CLCN1: variants seen among roughly 807,000 people sequenced by gnomAD.
CLCN1 encodes chloride voltage-gated channel 1, also known as chloride channel protein 1.
A neutral mutation model predicts 114.5 loss-of-function variants in CLCN1; 100 were observed. The ratio of observed to expected loss-of-function variants is 0.87; its 90% CI spans 0.74 to 1.03. CLCN1 has a LOEUF of 1.03. CLCN1 is among the 50% of genes least tolerant of loss of function. The pLI is 0.00. For missense variants in CLCN1, 1,188 were observed against 1,250.0 expected, an observed-to-expected ratio of 0.95 and a Z score of 0.75; for synonymous variants, 485 against 487.1, an observed-to-expected ratio of 1.00 and a Z score of 0.06.
chr7:143,329,691 G>A (rs1291099291), intron 7 of CLCN1, among the ~76,000 whole-genome samples: 1 of 152,188 alleles, frequency 6.6e-6, no homozygotes, highest in Admixed American at 6.5e-5. Flanking sequence ...GGACAAACCT[G>A]CCTAGTTCAA....
chr7:143,331,090 C>A, intron 8 of CLCN1, 142 bp from the exon 9 acceptor site: 2 of 1,057,404 alleles, frequency 1.9e-6, no homozygotes, highest in Non-Finnish European at 1.5e-6. Flanking sequence ...GAGGAGTGTG[C>A]GTAGAAAAAA....
chr7:143,333,604 C>A (rs979435445), intron 12 of CLCN1, among the ~76,000 whole-genome samples: 6 of 152,152 alleles, frequency 3.9e-5, no homozygotes, highest in Non-Finnish European at 7.4e-5. Flanking sequence ...ATTTGAGCAT[C>A]TTTTTTCCCC....
At chr7:143,334,227 T>G (rs942857856) in intron 12 of CLCN1, among the ~76,000 whole-genome samples, 4 of 146,092 alleles carry the variant, frequency 2.7e-5, no homozygotes, top group African/African-American at 1.0e-4. Flanking sequence ...AAAAAAAAAA[T>G]TATTGATTGC....
intron 14 of CLCN1, among the ~76,000 whole-genome samples, chr7:143,340,615 CT>C (rs1803051878): frequency 6.6e-6 from 1 of 152,156 alleles, no homozygotes; most frequent in South Asian, 2.1e-4. Flanking sequence ...TCACTGCAAC[CT>C]CTGCCTCCTG....
At chr7:143,319,641 C>G in intron 1 of CLCN1, 114 bp from the exon 2 acceptor site, 2 of 1,126,804 alleles carry the variant, frequency 1.8e-6, no homozygotes, top group African/African-American at 1.5e-5. Flanking sequence ...GCAGTCAACA[C>G]CCAGAATTCA....
chr7:143,331,330 C>A lies in CLCN1; in HGVS notation c.1064+14C>A. On this transcript the variant is annotated intron_variant, in intron 9 of 22. Transcript: ENST00000343257. ...TGCTGCCATCGGGTCAGTGGGGTTA[C>A]CTGCTCTGTGTGTGGTGAGCAGGGT... 6.3e-7 allele frequency: 1 copy of A among 1,575,316 alleles called. No homozygotes were observed. The highest frequency in any genetic ancestry group is 1.1e-5 in the South Asian group (1 of 90,308).
intron 6 of CLCN1, chr7:143,323,639 C>G (rs769324754): frequency 3.1e-6 from 2 of 641,552 alleles, no homozygotes; most frequent in Non-Finnish European, 6.0e-6. Flanking sequence ...TCTGGTCTGT[C>G]GTCTGCTCCC....
chr7:143,332,931 C>T (rs1802770203), intron 12 of CLCN1, 58 bp downstream of exon 12: 29 of 1,579,944 alleles, frequency 1.8e-5, no homozygotes, highest in Non-Finnish European at 2.4e-5. Flanking sequence ...ATCTATGAAC[C>T]CAGGGTTTGC....
At chr7:143,319,706 T>C in intron 1 of CLCN1, 49 bp from the exon 2 acceptor site, 1 of 1,604,930 alleles carries the variant, frequency 6.2e-7, no homozygotes, top group Non-Finnish European at 8.5e-7. Context: ...TGTCTATTAT[T>C]TTTTTAGTCT....
chr7:143,346,929 G>A lies in CLCN1; in HGVS notation c.2383G>A (p.Asp795Asn). Residue 795 changes from aspartate to asparagine, a missense_variant, in exon 20 of 23, where the codon GAT (aspartate) becomes AAT (asparagine). Coordinates refer to ENST00000343257, the MANE Select transcript of CLCN1 (RefSeq NM_000083.3). ...TCTCTAGGATTCCACAGATTTAGTG[G>A]ATAACATGTCACCTGAAGAGGTGAG... Reference protein sequence around the residue: ...KTTQDSTDLVDNMSPEEIEAW... With the variant: ...KTTQDSTDLVNNMSPEEIEAW... 1 of 1,613,906 alleles carries A rather than the reference G, an allele frequency of 6.2e-7. No homozygotes were observed.
At chr7:143,336,623 AAAG>A (rs1282825732) in intron 12 of CLCN1, among the ~76,000 whole-genome samples, 8 of 116,136 alleles carry the variant, frequency 6.9e-5, no homozygotes, top group African/African-American at 1.4e-4. Flanking sequence ...AAAAAAAAAA[AAAG>A]AAGAAGAAGA....
intron 2 of CLCN1, 82 bp downstream of exon 2, chr7:143,319,957 C>T (rs577172514): frequency 3.0e-5 from 43 of 1,410,692 alleles, no homozygotes; most frequent in South Asian, 2.5e-4. Context: ...TCCCATTGCA[C>T]GTACGTACTC....
At chr7:143,351,462 G>A (rs1045292534) in intron 22 of CLCN1, 132 bp from the exon 23 acceptor site, 54 of 928,272 alleles carry the variant, frequency 5.8e-5, no homozygotes, top group South Asian at 7.8e-5. Context: ...CTTTCTCCCC[G>A]TTTTGCCACT....
chr7:143,341,363 AGCCTG>A (rs751758516), intron 14 of CLCN1, among the ~76,000 whole-genome samples: 6 of 152,142 alleles, frequency 3.9e-5, no homozygotes, highest in Non-Finnish European at 7.4e-5. Context: ...ATTCGAGACC[AGCCTG>A]GCCAACATGA....
chr7:143,337,402 T>C (rs1191471584), intron 12 of CLCN1, among the ~76,000 whole-genome samples: 10 of 152,218 alleles, frequency 6.6e-5, no homozygotes, highest in Admixed American at 6.5e-5. Context: ...TGAATAGTCA[T>C]ATTCTGACAT....
chr7:143,351,333 C>G (rs985380683), intron 22 of CLCN1, among the ~76,000 whole-genome samples: 11 of 152,124 alleles, frequency 7.2e-5, no homozygotes, highest in Admixed American at 7.2e-4. Flanking sequence ...TGCAGGTGGT[C>G]ACTAGGAAGG....
At chr7:143,330,294 C>T (rs762606405) in intron 7 of CLCN1, among the ~76,000 whole-genome samples, 7 of 152,222 alleles carry the variant, frequency 4.6e-5, no homozygotes, top group Admixed American at 6.5e-5. Flanking sequence ...ATATGTAGAA[C>T]GGTAGGAAAG....
In CLCN1 at chr7:143,328,550, G is replaced by A. The variant is rs899287148; in HGVS notation, c.854-2222G>A. ...AGGGAAAGTGTCCCAGAACCACGTC[G>A]TAGGAAAGAAAACCTAGCCCAGGAT... On this transcript the variant is annotated intron_variant, in intron 7 of 22. Transcript: ENST00000343257. 7.2e-5 allele frequency among the ~76,000 whole-genome samples: 11 copies of A among 152,144 alleles called. 1 individual carries two copies. The highest frequency in any genetic ancestry group is 6.5e-4 in the Admixed American group (10 of 15,270).
At chr7:143,333,284 G>A (rs887539486) in intron 12 of CLCN1, among the ~76,000 whole-genome samples, 2 of 148,190 alleles carry the variant, frequency 1.3e-5, no homozygotes, top group African/African-American at 5.0e-5. Flanking sequence ...CTGGGTGACA[G>A]AGTGTGATTC....
Sources: allele counts gnomAD v4.1 joint callset (sites outside exome capture counted in the v4.1 genomes callset), GRCh38; gene constraint gnomAD v4.1.1; transcripts MANE v1.5; gene names NCBI Gene and HGNC (gene_info 2026-07-23, HGNC 2026-07-21).